CSMD1: variants seen among roughly 807,000 people sequenced by gnomAD.
The protein encoded by CSMD1 is CUB and Sushi multiple domains 1, also known as CUB and sushi domain-containing protein 1.
In CSMD1, 213 loss-of-function variants were observed where a neutral mutation model predicts 417.5. That is an observed-to-expected ratio of 0.51 (90% CI 0.46 to 0.57). The LOEUF (loss-of-function observed/expected upper bound fraction) is 0.57. Among genes scored for constraint, CSMD1 ranks in the 20% least tolerant of loss-of-function variants. The probability of loss-of-function intolerance (pLI) is 0.00; values close to 1 mark genes in which losing one functional copy is unlikely to be tolerated. For missense variants in CSMD1, 6,923 were observed against 4,529.7 expected (o/e 1.53, Z -15.17); for synonymous variants, 2,862 against 1,736.8 (o/e 1.65, Z -16.11).
chr8:4,034,240 G>A (rs1020121513), intron 3 of CSMD1, among the ~76,000 whole-genome samples: 6 of 111,538 alleles, frequency 5.4e-5, no homozygotes, highest in African/African-American at 1.6e-4. Flanking sequence ...AGTACAAACA[G>A]AACTATATAG....
At chr8:4,845,552 C>A (rs990679805) in intron 1 of CSMD1, among the ~76,000 whole-genome samples, 4 of 152,210 alleles carry the variant, frequency 2.6e-5, no homozygotes, top group Non-Finnish European at 4.4e-5. Context: ...CTTTGGCCTA[C>A]GTGGTTTCTT....
chr8:4,016,652 G>C (rs1018022175), intron 4 of CSMD1, among the ~76,000 whole-genome samples: 1 of 152,144 alleles, frequency 6.6e-6, no homozygotes, highest in Non-Finnish European at 1.5e-5. Context: ...TCTTCTACAG[G>C]TTTGTCTTAC....
chr8:3,798,325 A>G (rs1390290739), intron 5 of CSMD1, among the ~76,000 whole-genome samples: 2 of 151,986 alleles, frequency 1.3e-5, no homozygotes, highest in African/African-American at 4.8e-5. Flanking sequence ...TCTTAAGACA[A>G]CTCAGTATAT....
At chr8:4,502,305 T>C (rs1387823380) in intron 2 of CSMD1, among the ~76,000 whole-genome samples, 1 of 152,152 alleles carries the variant, frequency 6.6e-6, no homozygotes, top group Non-Finnish European at 1.5e-5. Context: ...GCTCAGTCTT[T>C]ACAGTAATAC....
At chr8:4,039,200 C>T (rs182625659) in intron 3 of CSMD1, among the ~76,000 whole-genome samples, 1 of 152,150 alleles carries the variant, frequency 6.6e-6, no homozygotes, top group Non-Finnish European at 1.5e-5. Context: ...ATCTAGGTCC[C>T]TTAGGGTTTC....
chr8:4,274,648 C>A (rs1312423282), intron 3 of CSMD1, among the ~76,000 whole-genome samples: 1 of 151,970 alleles, frequency 6.6e-6, no homozygotes, highest in Non-Finnish European at 1.5e-5. Flanking sequence ...CTATAGGTCT[C>A]CATTAAATTT....
At chr8:3,910,113 T>C in intron 5 of CSMD1, among the ~76,000 whole-genome samples, 1 of 152,196 alleles carries the variant, frequency 6.6e-6, no homozygotes, top group Non-Finnish European at 1.5e-5. Flanking sequence ...GAACATCAAC[T>C]GTGGATAATA....
chr8:4,866,470 A>G (rs1802426017), intron 1 of CSMD1, among the ~76,000 whole-genome samples: 1 of 151,920 alleles, frequency 6.6e-6, no homozygotes, highest in Non-Finnish European at 1.5e-5. Flanking sequence ...TTTTTCTTTA[A>G]AAAGTGCATT....
chr8:3,862,003 T>C (rs890826962), intron 5 of CSMD1, among the ~76,000 whole-genome samples: 6 of 152,220 alleles, frequency 3.9e-5, no homozygotes, highest in African/African-American at 1.4e-4. Context: ...GTGGAACATC[T>C]AAAACCAACA....
At chr8:4,198,584 C>T (rs138375397) in intron 3 of CSMD1, among the ~76,000 whole-genome samples, 16 of 152,134 alleles carry the variant, frequency 1.1e-4, no homozygotes, top group African/African-American at 2.2e-4. Context: ...AATTTTTCAG[C>T]GCCTTTGATT....
chr8:3,562,287 G>C lies in CSMD1; in HGVS notation c.1344+12658C>G, dbSNP rs1368673019. Among the ~76,000 whole-genome samples the C allele has an allele frequency of 2.0e-5, 3 of 146,442 alleles. No homozygotes were observed. The South Asian group carries it at 6.4e-4, about 31-fold the overall frequency. On this transcript the variant is annotated intron_variant, in intron 10 of 69. Transcript: ENST00000635120. ...GGCCACAAAACATCAACTGATGAGA[G>C]AGTTTTAGAATCTAGAAAGACTTGG...
At chr8:3,642,812 C>A (rs1044258593) in intron 7 of CSMD1, among the ~76,000 whole-genome samples, 4 of 151,846 alleles carry the variant, frequency 2.6e-5, no homozygotes, top group African/African-American at 9.7e-5. Context: ...GTAGAACCCC[C>A]AGAGATGAAA....
chr8:4,673,067 A>G (rs1054063756), intron 1 of CSMD1, among the ~76,000 whole-genome samples: 1 of 151,870 alleles, frequency 6.6e-6, no homozygotes, highest in Non-Finnish European at 1.5e-5. Context: ...CTGACATGGC[A>G]CACACACACA....
intron 2 of CSMD1, among the ~76,000 whole-genome samples, chr8:4,552,484 G>C (rs1460337232): frequency 6.6e-6 from 1 of 152,042 alleles, no homozygotes; most frequent in African/African-American, 2.4e-5. Context: ...TTATTGGGTG[G>C]GAAATTTCTG....
chr8:3,807,348 G>C (rs1195282368), intron 5 of CSMD1, among the ~76,000 whole-genome samples: 1 of 152,090 alleles, frequency 6.6e-6, no homozygotes, highest in East Asian at 1.9e-4. Context: ...AAAAGTAATA[G>C]AAAGTGATTA....
At chr8:3,705,712 G>A (rs554371665) in intron 7 of CSMD1, among the ~76,000 whole-genome samples, 1 of 152,304 alleles carries the variant, frequency 6.6e-6, no homozygotes, top group East Asian at 1.9e-4. Context: ...GTTGGGGAAA[G>A]GATTATATCA....
intron 11 of CSMD1, among the ~76,000 whole-genome samples, chr8:3,485,807 T>G (rs919013983): frequency 6.7e-6 from 1 of 149,042 alleles, no homozygotes; most frequent in Non-Finnish European, 1.5e-5. Context: ...TAAAATAAAA[T>G]AAAATAAAAT....
chr8:3,230,815 A>T (rs1178732721), intron 26 of CSMD1, among the ~76,000 whole-genome samples: 2 of 152,148 alleles, frequency 1.3e-5, no homozygotes, highest in Non-Finnish European at 1.5e-5. Flanking sequence ...GTTGGACAAT[A>T]TATTATATGG....
intron 49 of CSMD1, among the ~76,000 whole-genome samples, chr8:3,085,415 T>C (rs1271319856): frequency 6.6e-6 from 1 of 152,208 alleles, no homozygotes; most frequent in African/African-American, 2.4e-5. Flanking sequence ...TGTAAGTTAT[T>C]TATTGCCAAG....
Sources: gnomAD v4.1 joint callset for allele counts (sites outside exome capture counted in the v4.1 genomes callset) on GRCh38, gnomAD v4.1.1 for gene constraint, MANE v1.5 for transcripts, NCBI Gene and HGNC (gene_info 2026-07-23, HGNC 2026-07-21) for gene names.